NTM: variants seen among roughly 807,000 people sequenced by gnomAD.
NTM encodes IgLON family member 2.
Under a neutral mutation model 42.1 loss-of-function variants are expected in NTM, and 13 were observed. The ratio of observed to expected loss-of-function variants is 0.31; its 90% CI spans 0.20 to 0.49. NTM has a LOEUF of 0.49. Among genes scored for constraint, NTM ranks in the 20% least tolerant of loss-of-function variants. The pLI, the probability that NTM is intolerant of heterozygous loss-of-function variation, is 0.99. For missense variants in NTM, 373 were observed against 452.8 expected (o/e 0.82, Z 1.60); for synonymous variants, 187 against 179.2 (o/e 1.04, Z -0.35).
intron 2 of NTM, among the ~76,000 whole-genome samples, chr11:132,015,129 C>G (rs1593738434): frequency 6.6e-6 from 1 of 151,894 alleles, no homozygotes. Context: ...TTTTTTTCAG[C>G]ACCAATTATT....
chr11:131,435,057 C>T (rs575100050), intron 1 of NTM, among the ~76,000 whole-genome samples: 41 of 152,276 alleles, frequency 2.7e-4, no homozygotes, highest in African/African-American at 9.1e-4. Context: ...GTCCTTTTCC[C>T]CTTTCTTGTT....
At chr11:131,486,228 C>G (rs539846114) in intron 1 of NTM, among the ~76,000 whole-genome samples, 1 of 152,158 alleles carries the variant, frequency 6.6e-6, no homozygotes, top group African/African-American at 2.4e-5. Flanking sequence ...GCCTCCAGAA[C>G]TTGGCAGGGA....
chr11:131,732,650 A>T (rs1260341931), intron 1 of NTM, among the ~76,000 whole-genome samples: 1 of 152,224 alleles, frequency 6.6e-6, no homozygotes, highest in East Asian at 1.9e-4. Flanking sequence ...CTACTGTTGG[A>T]TGCATGTTAC....
intron 1 of NTM, among the ~76,000 whole-genome samples, chr11:131,731,054 G>A (rs947621248): frequency 6.6e-6 from 1 of 151,960 alleles, no homozygotes; most frequent in African/African-American, 2.4e-5. Context: ...TAAGAATATC[G>A]AATTGTTTTC....
intron 1 of NTM, among the ~76,000 whole-genome samples, chr11:131,652,322 A>T (rs1435904453): frequency 1.3e-5 from 2 of 152,116 alleles, no homozygotes; most frequent in Non-Finnish European, 2.9e-5. Context: ...GTTCCTGATG[A>T]GGCTTCCTTG....
chr11:131,579,998 G>A (rs2058261913), intron 1 of NTM, among the ~76,000 whole-genome samples: 2 of 152,168 alleles, frequency 1.3e-5, no homozygotes, highest in South Asian at 2.1e-4. Context: ...GCAAGCTGTA[G>A]TTCTCTGCCG....
chr11:132,116,801 C>T (rs2063963041), intron 2 of NTM, among the ~76,000 whole-genome samples: 2 of 152,224 alleles, frequency 1.3e-5, no homozygotes, highest in South Asian at 4.1e-4. Context: ...TAACAGATGG[C>T]TCAGCCCCTT....
At chr11:131,986,258 A>G (rs1183499424) in intron 2 of NTM, among the ~76,000 whole-genome samples, 3 of 152,188 alleles carry the variant, frequency 2.0e-5, no homozygotes, top group African/African-American at 7.2e-5. Context: ...CTGGCTGTTC[A>G]CATGAAATAG....
chr11:131,886,953 G>T (rs1408976176), intron 1 of NTM, among the ~76,000 whole-genome samples: 1 of 152,206 alleles, frequency 6.6e-6, no homozygotes, highest in Non-Finnish European at 1.5e-5. Context: ...AGCTCCGCAA[G>T]CGAGCACTAC....
intron 1 of NTM, among the ~76,000 whole-genome samples, chr11:131,475,626 C>G (rs955281598): frequency 6.6e-6 from 1 of 151,936 alleles, no homozygotes; most frequent in Non-Finnish European, 1.5e-5. Flanking sequence ...ATTTAGATCA[C>G]TTAAAATGAG....
chr11:131,608,799 C>G (rs2061225109), intron 1 of NTM, among the ~76,000 whole-genome samples: 2 of 151,956 alleles, frequency 1.3e-5, no homozygotes, highest in South Asian at 4.1e-4. Flanking sequence ...CTGATATTTT[C>G]TGGCCCAGTT....
chr11:132,196,817 T>C (rs973152043), intron 3 of NTM, among the ~76,000 whole-genome samples: 2 of 152,136 alleles, frequency 1.3e-5, no homozygotes, highest in Non-Finnish European at 2.9e-5. Context: ...AAACTACCTA[T>C]TGGTTGCTAT....
intron 1 of NTM, among the ~76,000 whole-genome samples, chr11:131,388,461 G>A (rs539503926): frequency 1.8e-4 from 27 of 146,500 alleles, no homozygotes; most frequent in Non-Finnish European, 3.7e-4. Flanking sequence ...AATTTAATTG[G>A]GCATCTTTTT....
intron 1 of NTM, among the ~76,000 whole-genome samples, chr11:131,665,287 A>G (rs1229280272): frequency 1.3e-5 from 2 of 152,200 alleles, no homozygotes; most frequent in Non-Finnish European, 2.9e-5. Flanking sequence ...GTAAACAGTG[A>G]TTGCATTGAT....
At chr11:132,250,594 C>T (rs907995826) in intron 4 of NTM, among the ~76,000 whole-genome samples, 23 of 151,106 alleles carry the variant, frequency 1.5e-4, no homozygotes, top group Non-Finnish European at 2.5e-4. Flanking sequence ...TCACACTATT[C>T]ACTTTTTTTT....
intron 3 of NTM, among the ~76,000 whole-genome samples, chr11:132,148,690 C>G (rs979826836): frequency 6.6e-6 from 1 of 152,156 alleles, no homozygotes; most frequent in Admixed American, 6.5e-5. Flanking sequence ...CTGAACACCT[C>G]GCAGAATGCC....
intron 3 of NTM, among the ~76,000 whole-genome samples, chr11:132,208,052 G>A (rs1383804720): frequency 1.3e-5 from 2 of 152,166 alleles, no homozygotes; most frequent in Non-Finnish European, 2.9e-5. Flanking sequence ...ATTGAAGAAG[G>A]AGTGAATGAA....
At chr11:131,594,955 C>A (rs1305769550) in intron 1 of NTM, among the ~76,000 whole-genome samples, 1 of 152,194 alleles carries the variant, frequency 6.6e-6, no homozygotes, top group Non-Finnish European at 1.5e-5. Flanking sequence ...TCTCTGGGCT[C>A]TGTTCTCTTA....
intron 3 of NTM, among the ~76,000 whole-genome samples, chr11:132,196,929 A>G (rs1035902484): frequency 6.6e-6 from 1 of 152,212 alleles, no homozygotes; most frequent in Non-Finnish European, 1.5e-5. Context: ...CCTGAAGCTG[A>G]CATAAAAGCC....
Sources: gnomAD v4.1 joint callset for allele counts (sites outside exome capture counted in the v4.1 genomes callset) on GRCh38, gnomAD v4.1.1 for gene constraint, MANE v1.5 for transcripts, NCBI Gene and HGNC (gene_info 2026-07-23, HGNC 2026-07-21) for gene names.